JMJD1C: variants seen among roughly 807,000 people sequenced by gnomAD.
JMJD1C encodes the protein jumonji domain containing 1C, also known as jumonji domain-containing protein 1C.
Under a neutral mutation model 245.3 loss-of-function variants are expected in JMJD1C, and 31 were observed. That is an observed-to-expected ratio of 0.13 (90% confidence interval 0.09 to 0.17). The LOEUF is 0.17. Among genes scored for constraint, JMJD1C ranks in the 10% least tolerant of loss-of-function variants. The pLI is 1.00. For synonymous variants in JMJD1C, 1,057 were observed against 1,017.4 expected, an observed-to-expected ratio of 1.04 and a Z score of -0.74; for missense variants, 2,691 against 3,000.2, an observed-to-expected ratio of 0.90 and a Z score of 2.41.
At chr10:63,440,714 A>T (rs1951333759) in intron 1 of JMJD1C, among the ~76,000 whole-genome samples, 1 of 152,162 alleles carries the variant, frequency 6.6e-6, no homozygotes, top group African/African-American at 2.4e-5. Flanking sequence ...TCTTCCTTGA[A>T]GACTGAGCCT....
chr10:63,348,202 TC>T, intron 2 of JMJD1C, among the ~76,000 whole-genome samples: 1 of 38,894 alleles, frequency 2.6e-5, no homozygotes. Context: ...CGAGACTTCA[TC>T]TCAAAAAAAA....
chr10:63,224,518 C>T (rs1375604070), intron 3 of JMJD1C, among the ~76,000 whole-genome samples: 2 of 152,076 alleles, frequency 1.3e-5, no homozygotes, highest in Admixed American at 6.6e-5. Flanking sequence ...CATCATCATT[C>T]CCATTTTAAA....
Position 63,507,300 on chromosome 10 carries a change from T to C in JMJD1C, n.113+14438A>G, listed in dbSNP as rs1954747548. Among the ~76,000 whole-genome samples the C allele has an allele frequency of 2.6e-5, 4 of 152,168 alleles. No individual in the cohort carries two copies. The South Asian group carries it at 8.3e-4, about 31-fold the overall frequency. Reference sequence around the variant, plus strand: ...GGAGAAGCATGATTGCTGGGTTAAATGGTTAAGAGTATGTTTAGTTTTGTT... The same window carrying C: ...GGAGAAGCATGATTGCTGGGTTAAACGGTTAAGAGTATGTTTAGTTTTGTT... On this transcript the variant is annotated intron_variant and non_coding_transcript_variant, in intron 1 of 3. Transcript: ENST00000633035.
chr10:63,334,723 G>A (rs944762017), intron 2 of JMJD1C, among the ~76,000 whole-genome samples: 1 of 146,748 alleles, frequency 6.8e-6, no homozygotes, highest in East Asian at 2.3e-4. Flanking sequence ...TGTGTCTTTT[G>A]AGACACAGAC....
Position 63,207,818 on chromosome 10 carries a change from T to C in JMJD1C, c.3851A>G (p.Lys1284Arg). 6.2e-7 allele frequency: 1 copy of C among 1,614,198 alleles called. No homozygotes were observed. Among genetic ancestry groups the C allele is most frequent in the Non-Finnish European group, 8.5e-7 (1 of 1,180,028 alleles). Residue 1284 changes from lysine (K) to arginine (R), a missense_variant, in exon 10 of 26, where the codon AAA (lysine) becomes AGA (arginine). Physicochemically the swap from Lys to Arg is conservative, Grantham distance 26 (BLOSUM62 2). Transcript: ENST00000399262. ...CTCCACATGCCATTCAGTTTTCTCT[T>C]TGCTGAGGTTATTATTAGGTCTCCA... Reference protein sequence around the residue: ...EMWRPNNNLSKEKTEWHVEKS... With the variant: ...EMWRPNNNLSREKTEWHVEKS...
intron 3 of JMJD1C, among the ~76,000 whole-genome samples, chr10:63,245,713 C>T (rs1355272597): frequency 6.6e-6 from 1 of 152,100 alleles, no homozygotes; most frequent in Non-Finnish European, 1.5e-5. Context: ...GAACTCTTGA[C>T]CTCAGGTGAT....
rs757112869 is a variant in JMJD1C at position 63,214,302 on chromosome 10, G to A, written c.1865C>T (p.Thr622Ile). 3 of 1,613,984 alleles carry A rather than the reference G, an allele frequency of 1.9e-6. No individual in the cohort carries two copies. In the South Asian group the frequency reaches 3.3e-5, roughly 18 times the overall value. Residue 622 changes from threonine to isoleucine, a missense_variant, in exon 8 of 26, where the codon ACT (threonine) becomes ATT (isoleucine). Physicochemically the swap from Thr to Ile is moderately conservative, Grantham distance 89. Transcript: ENST00000399262. ...KLHKRSPPPE[T>I]IKSKLNTSVD... ...TGAAGTATTAAGTTTAGATTTTATA[G>A]TCTCTGGAGGTGGACTTCGCTTATG...
chr10:63,440,259 TGGGAGATGGA>T (rs1337614901), intron 1 of JMJD1C, among the ~76,000 whole-genome samples: 2 of 150,988 alleles, frequency 1.3e-5, no homozygotes, highest in Non-Finnish European at 2.9e-5. Flanking sequence ...CGCTTGAACC[TGGGAGATGGA>T]GGTTGCAGTG....
At chr10:63,204,380 T>G in intron 10 of JMJD1C, 2 of 985,060 alleles carry the variant, frequency 2.0e-6, no homozygotes, top group Non-Finnish European at 2.4e-6. Flanking sequence ...CATGTGAATA[T>G]GTATATTCGT....
chr10:63,513,015 T>A (rs906872664), intron 1 of JMJD1C, among the ~76,000 whole-genome samples: 1 of 152,244 alleles, frequency 6.6e-6, no homozygotes, highest in African/African-American at 2.4e-5. Context: ...TATTTTTTAC[T>A]ATTTTTTATT....
Position 63,428,810 on chromosome 10 carries a change from A to G in JMJD1C, c.168+36685T>C, listed in dbSNP as rs931004947. ...ACTTTTATCTAAGTATTTCTGAAAT[A>G]CCCATACTATTATAATAATAATACT... On this transcript the variant is annotated intron_variant, in intron 1 of 25. Coordinates refer to ENST00000399262, the MANE Select transcript of JMJD1C (RefSeq NM_032776.3). Among the ~76,000 whole-genome samples the G allele has an allele frequency of 2.0e-5, 3 of 152,342 alleles. No individual in the cohort carries two copies. The South Asian group carries it at 6.2e-4, about 32-fold the overall frequency.
chr10:63,455,939 T>G (rs1952381350), intron 1 of JMJD1C, among the ~76,000 whole-genome samples: 1 of 152,170 alleles, frequency 6.6e-6, no homozygotes, highest in Non-Finnish European at 1.5e-5. Flanking sequence ...GAGGCAAATT[T>G]AATGCAATAT....
Position 63,320,989 on chromosome 10 carries a change from A to G in JMJD1C, c.334-56225T>C, listed in dbSNP as rs182130301. On this transcript the variant is annotated intron_variant, in intron 2 of 25. Transcript: ENST00000399262. The stretch of plus-strand genomic sequence containing the variant: ...GAATTGAGTTGATCAACAATGGCCA[A>G]TTATATAATCAATGATGCCTATGTA... Among the ~76,000 whole-genome samples the G allele has an allele frequency of 7.7e-4, 118 of 152,326 alleles. No individual in the cohort carries two copies. In the South Asian group the frequency reaches 1.0e-2, roughly 13 times the overall value.
At position 63,457,410 on chromosome 10, in the gene JMJD1C, A is replaced by G. The variant is rs564571904; in HGVS notation, c.168+8085T>C. ...CACGGGACATTCATGTAAAGCTTCC[A>G]AACAGTAGAGACGGTGGATCAAACT... On this transcript the variant is annotated intron_variant, in intron 1 of 25. Transcript: ENST00000399262. Among the ~76,000 whole-genome samples the G allele has an allele frequency of 2.6e-5, 4 of 152,334 alleles. No homozygotes were observed. In the East Asian group the frequency reaches 5.8e-4, roughly 22 times the overall value.
chr10:63,328,047 G>A (rs1251154347), intron 2 of JMJD1C, among the ~76,000 whole-genome samples: 1 of 152,074 alleles, frequency 6.6e-6, no homozygotes, highest in African/African-American at 2.4e-5. Flanking sequence ...GGCCAAGCCA[G>A]GCGGATCACC....
chr10:63,353,634 G>A (rs1466656440), intron 2 of JMJD1C, among the ~76,000 whole-genome samples: 1 of 151,846 alleles, frequency 6.6e-6, no homozygotes, highest in Non-Finnish European at 1.5e-5. Flanking sequence ...TCCTGCCTCA[G>A]CCTCCGGAGT....
At chr10:63,193,633 G>C in intron 14 of JMJD1C, 161 bp from the exon 15 acceptor site, 1 of 490,202 alleles carries the variant, frequency 2.0e-6, no homozygotes, top group Non-Finnish European at 3.5e-6. Context: ...ATCTATTACA[G>C]TTTTGATTAT....
intron 1 of JMJD1C, among the ~76,000 whole-genome samples, chr10:63,415,315 C>G (rs1949737785): frequency 6.6e-6 from 1 of 152,034 alleles, no homozygotes; most frequent in Non-Finnish European, 1.5e-5. Flanking sequence ...TAACCCTTCT[C>G]CATCTAATAA....
intron 2 of JMJD1C, among the ~76,000 whole-genome samples, chr10:63,268,087 A>G (rs1410310418): frequency 6.7e-6 from 1 of 149,034 alleles, no homozygotes; most frequent in Non-Finnish European, 1.5e-5. Context: ...GTTTCTAACA[A>G]TCTCCGGTTA....
Sources: gnomAD v4.1 joint callset for allele counts (sites outside exome capture counted in the v4.1 genomes callset) on GRCh38, gnomAD v4.1.1 for gene constraint, MANE v1.5 for transcripts, NCBI Gene and HGNC (gene_info 2026-07-23, HGNC 2026-07-21) for gene names.